Variants in STK24 observed in about 807,000 individuals in gnomAD.
The protein encoded by STK24 is serine/threonine kinase 24.
STK24 carries 21 observed loss-of-function variants against 55.6 expected under a neutral mutation model. The ratio of observed to expected loss-of-function variants is 0.38; its 90% confidence interval spans 0.27 to 0.54. The LOEUF (loss-of-function observed/expected upper bound fraction) is 0.54. Ranked by LOEUF, STK24 falls within the 20% of genes least tolerant of loss-of-function variation. The pLI is 0.79. For synonymous variants in STK24, 200 were observed against 215.2 expected (o/e 0.93, Z 0.62); for missense variants, 383 against 538.4 (o/e 0.71, Z 2.86).
At chr13:98,552,619 G>C (rs939182383) in intron 1 of STK24, among the ~76,000 whole-genome samples, 1 of 152,112 alleles carries the variant, frequency 6.6e-6, no homozygotes, top group Non-Finnish European at 1.5e-5. Flanking sequence ...ATTAGAATCT[G>C]ACCTTGTGGA....
At position 98,453,115 on chromosome 13, in the gene STK24, A is replaced by C. The variant is rs1893274446; in HGVS notation, c.*58T>G. The C allele has an allele frequency of 6.3e-7, 1 of 1,599,174 alleles. No individual in the cohort carries two copies. The highest frequency in any genetic ancestry group is 1.3e-5 in the African/African-American group (1 of 74,420). On this transcript the variant is annotated 3_prime_UTR_variant, in exon 11 of 11. Coordinates refer to ENST00000539966, the MANE Select transcript of STK24 (RefSeq NM_001032296.4). Reference sequence around the variant, plus strand: ...CGAAGGCTCTCGTTGACTTTTAAAAAAGGAGGAGGATGAAGAAGGAAAAAA... The same window carrying C: ...CGAAGGCTCTCGTTGACTTTTAAAACAGGAGGAGGATGAAGAAGGAAAAAA...
chr13:98,453,246 C>A (rs1256758728), intron 10 of STK24, 37 bp from the exon 11 acceptor site: 1 of 1,601,456 alleles, frequency 6.2e-7, no homozygotes, highest in Non-Finnish European at 8.5e-7. Flanking sequence ...CAACACATGT[C>A]ATTTCTCATC....
intron 2 of STK24, among the ~76,000 whole-genome samples, chr13:98,515,139 A>G (rs887458734): frequency 1.3e-5 from 2 of 152,010 alleles, no homozygotes; most frequent in Admixed American, 1.3e-4. Flanking sequence ...GCTGAAGGGA[A>G]TGCACATTTG....
chr13:98,500,046 G>A (rs1268366837), intron 2 of STK24, among the ~76,000 whole-genome samples: 2 of 152,192 alleles, frequency 1.3e-5, no homozygotes, highest in Non-Finnish European at 2.9e-5. Flanking sequence ...TAAGGAACAG[G>A]ACATTCACAA....
intron 1 of STK24, among the ~76,000 whole-genome samples, chr13:98,551,355 T>A (rs1897156126): frequency 6.6e-6 from 1 of 151,544 alleles, no homozygotes; most frequent in African/African-American, 2.4e-5. Flanking sequence ...TCAAGCAAAA[T>A]CAGAAATAAG....
In STK24 at chr13:98,474,998, C is replaced by T. The variant is rs9513430; in HGVS notation, c.440-20G>A. 4.4e-6 allele frequency: 7 copies of T among 1,597,546 alleles called. No individual in the cohort carries two copies. The highest frequency in any genetic ancestry group is 1.3e-5 in the African/African-American group (1 of 74,448). On this transcript the variant is annotated intron_variant, in intron 4 of 10. Coordinates refer to ENST00000539966, the MANE Select transcript of STK24 (RefSeq NM_001032296.4). The stretch of plus-strand genomic sequence containing the variant: ...TGGCCGCTGCAAAAGAAAGCCAAGG[C>T]GGCCCTGGGCGGTGCGGACTTACAA...
intron 2 of STK24, among the ~76,000 whole-genome samples, chr13:98,495,822 T>C (rs1407155711): frequency 2.0e-5 from 3 of 152,218 alleles, no homozygotes; most frequent in East Asian, 1.9e-4. Context: ...CCTTGCTGAT[T>C]TGTTTCGTCG....
Position 98,446,037 on chromosome 13 carries a change from T to C in STK24, c.*7136A>G. 6.1e-6 allele frequency: 7 copies of C among 1,153,002 alleles called. No individual in the cohort carries two copies. The highest frequency in any genetic ancestry group is 9.1e-6 in the Non-Finnish European group (7 of 767,142). 71.4% of individuals were successfully genotyped at this position (1,153,002 alleles called of 1,614,324 possible). A position where few individuals can be genotyped will look rare whatever the true frequency, so the allele number is the denominator to read the frequency against. The stretch of plus-strand genomic sequence containing the variant: ...AGGGCCCTGGTGCAGGGAGAGCTGC[T>C]CTCTGTGCCCTCCTGGGGCAGGTGC... On this transcript the variant is annotated 3_prime_UTR_variant, in exon 11 of 11. Transcript: ENST00000539966.
rs528336562 is a variant in STK24, at chr13:98,511,435, T to G, written c.273+7808A>C. ...AGACATTAAATAGAAATTAAATACC[T>G]ATCCTACTCATAAGTATTTGCTCTA... On this transcript the variant is annotated intron_variant, in intron 2 of 10. Coordinates refer to ENST00000539966, the MANE Select transcript of STK24 (RefSeq NM_001032296.4). 1.1e-4 allele frequency among the ~76,000 whole-genome samples: 17 copies of G among 152,356 alleles called. No homozygotes were observed. In the South Asian group the frequency reaches 3.5e-3, roughly 32 times the overall value.
intron 1 of STK24, among the ~76,000 whole-genome samples, chr13:98,556,590 G>T (rs185341276): frequency 1.3e-5 from 2 of 152,308 alleles, no homozygotes; most frequent in African/African-American, 4.8e-5. Flanking sequence ...AACAACACCA[G>T]CCAGGGTCAT....
rs534236137 is a variant in STK24, at chr13:98,447,936, G to A, written c.*5237C>T. 1.7e-3 allele frequency: 735 copies of A among 431,104 alleles called. 13 individuals are homozygous for A. The highest frequency in any genetic ancestry group is 0.015 in the South Asian group (462 of 31,224). 26.7% of individuals were successfully genotyped at this position (431,104 alleles called of 1,614,324 possible). A position where few individuals can be genotyped will look rare whatever the true frequency, so the allele number is the denominator to read the frequency against. The stretch of plus-strand genomic sequence containing the variant: ...ATTCTCTGCCATGTCCATGAAAATA[G>A]GAGGTAGCGTTCTCCCCAGCAACCA... On this transcript the variant is annotated 3_prime_UTR_variant, in exon 11 of 11. Transcript: ENST00000539966.
At chr13:98,558,045 TC>T (rs1245057186) in intron 1 of STK24, among the ~76,000 whole-genome samples, 3 of 152,276 alleles carry the variant, frequency 2.0e-5, no homozygotes, top group African/African-American at 7.2e-5. Flanking sequence ...GCCTTATACT[TC>T]CATAAATGCA....
chr13:98,549,605 C>T (rs1897112566), intron 1 of STK24, among the ~76,000 whole-genome samples: 4 of 152,128 alleles, frequency 2.6e-5, no homozygotes, highest in African/African-American at 4.8e-5. Context: ...CTCCCACTCT[C>T]GCCATGTGAC....
At chr13:98,542,784 C>G (rs1896923914) in intron 1 of STK24, 4 of 970,092 alleles carry the variant, frequency 4.1e-6, no homozygotes, top group Non-Finnish European at 4.9e-6. Context: ...AATCTACTTT[C>G]TATGCGTTTG....
chr13:98,549,059 A>G (rs1341034818), intron 1 of STK24, among the ~76,000 whole-genome samples: 1 of 152,144 alleles, frequency 6.6e-6, no homozygotes, highest in Non-Finnish European at 1.5e-5. Context: ...CAATGGAGAC[A>G]CTATCCTGAG....
intron 2 of STK24, among the ~76,000 whole-genome samples, chr13:98,507,279 G>A (rs1052535497): frequency 1.3e-5 from 2 of 152,202 alleles, no homozygotes; most frequent in African/African-American, 2.4e-5. Context: ...GGAAGCTAAC[G>A]GTAGACCAGG....
chr13:98,535,416 C>T (rs1326066501), intron 1 of STK24, among the ~76,000 whole-genome samples: 1 of 146,122 alleles, frequency 6.8e-6, no homozygotes, highest in Non-Finnish European at 1.5e-5. Flanking sequence ...CACACACACA[C>T]ACACACACAC....
chr13:98,505,297 C>T (rs553256031), intron 2 of STK24, among the ~76,000 whole-genome samples: 60 of 152,342 alleles, frequency 3.9e-4, no homozygotes, highest in South Asian at 1.0e-3. Context: ...CTACTTTTAA[C>T]GAACCAATGT....
chr13:98,506,200 T>C (rs1895673970), intron 2 of STK24, among the ~76,000 whole-genome samples: 1 of 152,094 alleles, frequency 6.6e-6, no homozygotes, highest in African/African-American at 2.4e-5. Flanking sequence ...TCCAAACACA[T>C]CAGTCAATTC....
Sources: gnomAD v4.1 joint callset for allele counts (sites outside exome capture counted in the v4.1 genomes callset) on GRCh38, gnomAD v4.1.1 for gene constraint, MANE v1.5 for transcripts, NCBI Gene and HGNC (gene_info 2026-07-23, HGNC 2026-07-21) for gene names.